The following SLC26A5 variants were observed in gnomAD, a reference collection of about 807,000 sequenced individuals.
SLC26A5 encodes the protein prestin.
In SLC26A5, 51 loss-of-function variants were observed where a neutral mutation model predicts 81.0. The ratio of observed to expected loss-of-function variants is 0.63; its 90% CI spans 0.50 to 0.80. The LOEUF is 0.80. SLC26A5 is among the 30% of genes least tolerant of loss of function. The pLI, the probability that SLC26A5 is intolerant of heterozygous loss-of-function variation, is 0.00. For missense variants in SLC26A5, 771 were observed against 905.8 expected, an observed-to-expected ratio of 0.85 and a Z score of 1.91; for synonymous variants, 325 against 332.8, an observed-to-expected ratio of 0.98 and a Z score of 0.25.
chr7:103,376,900 C>T (rs750732014), intron 18 of SLC26A5, 38 bp from the exon 19 acceptor site: 2 of 1,376,550 alleles, frequency 1.5e-6, no homozygotes. Context: ...TTTCTCTTTA[C>T]TCTGTGCCAG....
rs13240456 is a variant in SLC26A5 at position 103,393,126 on chromosome 7, T to C, written c.972-60A>G. ...ACCACAAGGGAAAAGAAAAAAAACC[T>C]TGCGACTGCAGGGAAGCATTTTAGG... On this transcript the variant is annotated intron_variant, in intron 9 of 19. Coordinates refer to ENST00000306312, the MANE Select transcript of SLC26A5 (RefSeq NM_198999.3). 1 allele frequency: 1,601,914 copies of C among 1,606,806 alleles called. 798,641 individuals are homozygous for C. The highest frequency in any genetic ancestry group is 1 in the East Asian group (44,724 of 44,724).
At chr7:103,366,914 C>T (rs1195538056) in intron 19 of SLC26A5, among the ~76,000 whole-genome samples, 2 of 152,146 alleles carry the variant, frequency 1.3e-5, no homozygotes, top group Non-Finnish European at 2.9e-5. Context: ...AAGCAATTCT[C>T]ATGTCTCAGC....
chr7:103,411,500 C>G lies in SLC26A5; in HGVS notation c.490G>C (p.Ala164Pro). ...TCTCTGGCCTCTGTGCCATTGGTTG[C>G]ATTTACTCCTCCTGGAATGACTATA... ...DDIVIPGGVNATNGTEARDAL... is the reference protein window; with the variant it reads ...DDIVIPGGVNPTNGTEARDAL... Residue 164 changes from alanine to proline, a missense_variant, in exon 6 of 20, where the codon GCA becomes CCA. By Grantham distance (27) the Ala-to-Pro change is conservative. Coordinates refer to ENST00000306312, the MANE Select transcript of SLC26A5 (RefSeq NM_198999.3). 2.5e-6 allele frequency: 4 copies of G among 1,614,186 alleles called. No homozygotes were observed. The highest frequency in any genetic ancestry group is 3.4e-6 in the Non-Finnish European group (4 of 1,180,028).
intron 4 of SLC26A5, among the ~76,000 whole-genome samples, chr7:103,413,550 C>G (rs184322394): frequency 6.6e-6 from 1 of 152,158 alleles, no homozygotes; most frequent in African/African-American, 2.4e-5. Context: ...CTTAGATATC[C>G]CTCCTCCGAC....
intron 8 of SLC26A5, among the ~76,000 whole-genome samples, chr7:103,401,528 T>A (rs1242336887): frequency 6.6e-6 from 1 of 152,222 alleles, no homozygotes; most frequent in African/African-American, 2.4e-5. Context: ...TGACTTCCTC[T>A]CTTCCTATTT....
At chr7:103,366,140 T>G (rs774315848) in intron 19 of SLC26A5, 1 of 1,613,500 alleles carries the variant, frequency 6.2e-7, no homozygotes, top group Non-Finnish European at 8.5e-7. Context: ...CTTATCTTCT[T>G]TGATGAAATT....
At chr7:103,421,231 C>CT in intron 3 of SLC26A5, 132 bp downstream of exon 3, 1 of 1,020,040 alleles carries the variant, frequency 9.8e-7, no homozygotes, top group Non-Finnish European at 1.5e-6. Flanking sequence ...TCGTGAACAG[C>CT]TTTGCAAACC....
intron 2 of SLC26A5, among the ~76,000 whole-genome samples, chr7:103,428,598 T>C (rs545920131): frequency 6.6e-6 from 1 of 151,194 alleles, no homozygotes; most frequent in African/African-American, 2.4e-5. Flanking sequence ...CACCTGCTCT[T>C]GTTGCCCAGG....
chr7:103,397,696 G>A (rs980823177), intron 9 of SLC26A5, among the ~76,000 whole-genome samples: 3 of 142,754 alleles, frequency 2.1e-5, no homozygotes, highest in Non-Finnish European at 3.0e-5. Flanking sequence ...CAGCCCAGGC[G>A]ACAGAGTGAG....
At chr7:103,389,728 T>A (rs1225727197) in intron 12 of SLC26A5, among the ~76,000 whole-genome samples, 1 of 152,144 alleles carries the variant, frequency 6.6e-6, no homozygotes, top group Non-Finnish European at 1.5e-5. Context: ...GTTCAAGCAA[T>A]TCTCCTGCCT....
At chr7:103,407,718 A>T (rs1824165719) in intron 8 of SLC26A5, 133 bp downstream of exon 8, 1 of 1,014,992 alleles carries the variant, frequency 9.9e-7, no homozygotes, top group Non-Finnish European at 1.5e-6. Context: ...AATTTGTCAA[A>T]TTTGACAAAT....
At chr7:103,384,964 A>G (rs1822070262) in intron 14 of SLC26A5, among the ~76,000 whole-genome samples, 1 of 152,202 alleles carries the variant, frequency 6.6e-6, no homozygotes. Context: ...CACTGTCCCT[A>G]GAGTCTAGCA....
At chr7:103,362,324 G>A in intron 19 of SLC26A5, 1 of 1,371,466 alleles carries the variant, frequency 7.3e-7, no homozygotes, top group Non-Finnish European at 9.4e-7. Context: ...AAATTTCAGA[G>A]TTGAGGTTAC....
Position 103,367,692 on chromosome 7 carries a change from T to C in SLC26A5, c.2041+9116A>G. On this transcript the variant is annotated intron_variant, in intron 19 of 19. Coordinates refer to the SLC26A5 transcript ENST00000339444. This position sits in a 1 kb window ranked among gnomAD's most constrained non-coding sequence, Gnocchi z 6.1. ...TGTGATTTTTTTCCATTTTAATATT[T>C]GTCAATTTTCTCATTTTTAGGGTCG... 1 of 1,608,798 alleles carries C rather than the reference T, an allele frequency of 6.2e-7. No homozygotes were observed. The highest frequency in any genetic ancestry group is 8.5e-7 in the Non-Finnish European group (1 of 1,178,074).
At chr7:103,357,732 G>A (rs897659117) in intron 19 of SLC26A5, among the ~76,000 whole-genome samples, 2 of 152,034 alleles carry the variant, frequency 1.3e-5, no homozygotes, top group Non-Finnish European at 2.9e-5. Flanking sequence ...TTCCTTTCTT[G>A]TACCACTTCT....
downstream of SLC26A5, among the ~76,000 whole-genome samples, chr7:103,371,585 A>G (rs948933320): frequency 1.3e-5 from 2 of 150,516 alleles, no homozygotes; most frequent in African/African-American, 2.4e-5. Context: ...TCGGCCTCCC[A>G]AAGTACTGGA....
chr7:103,389,500 C>T lies in SLC26A5; in HGVS notation c.1312-76G>A, dbSNP rs72655391. 3.8e-3 allele frequency: 3,988 copies of T among 1,047,916 alleles called. 98 individuals carry two copies. The African/African-American group carries it at 0.056, about 15-fold the overall frequency. The allele number at this position is 1,047,916 out of a possible 1,614,324, so 64.9% of individuals were successfully genotyped here. A position where few individuals can be genotyped will look rare whatever the true frequency, so the allele number is the denominator to read the frequency against. Reference sequence around the variant, plus strand: ...CCTTTGCTGGTTCCTCACTGTCCTCCTGCTGTCCTCCCCATGCCTTCTCCC... The same window carrying T: ...CCTTTGCTGGTTCCTCACTGTCCTCTTGCTGTCCTCCCCATGCCTTCTCCC... On this transcript the variant is annotated intron_variant, in intron 12 of 19. Transcript: ENST00000306312.
intron 17 of SLC26A5, among the ~76,000 whole-genome samples, chr7:103,378,001 C>G (rs948712359): frequency 1.4e-4 from 22 of 152,172 alleles, no homozygotes; most frequent in African/African-American, 4.6e-4. Flanking sequence ...AAGTCAACTT[C>G]TCTCTTTTTC....
intron 11 of SLC26A5, 63 bp from the exon 12 acceptor site, chr7:103,390,569 G>A: frequency 7.2e-7 from 1 of 1,387,960 alleles, no homozygotes. Flanking sequence ...CAGGGCATAA[G>A]TTGGTTTTAT....
Sources: gnomAD v4.1 joint callset for allele counts (sites outside exome capture counted in the v4.1 genomes callset) on GRCh38, gnomAD v4.1.1 for gene constraint, Gnocchi (gnomAD v3.1) non-coding constraint, MANE v1.5 for transcripts, NCBI Gene and HGNC (gene_info 2026-07-23, HGNC 2026-07-21) for gene names.